The following FGFBP2 variants were observed in gnomAD, a reference collection of about 807,000 sequenced individuals.
FGFBP2 encodes the protein fibroblast growth factor binding protein 2.
A neutral mutation model predicts 7.3 loss-of-function variants in FGFBP2; 7 were observed. The ratio of observed to expected loss-of-function variants is 0.96; its 90% CI spans 0.55 to 1.81. The LOEUF (loss-of-function observed/expected upper bound fraction) is 1.81, where lower values mean the gene tolerates loss of function less well. Among genes scored for constraint, FGFBP2 ranks in the 40% most tolerant of loss-of-function variants. The pLI, the probability that FGFBP2 is intolerant of heterozygous loss-of-function variation, is 0.00. For missense variants in FGFBP2, 291 were observed against 280.1 expected (o/e 1.04, Z -0.28); for synonymous variants, 131 against 110.2 (o/e 1.19, Z -1.18).
rs201297539 is a variant in FGFBP2, at chr4:15,962,801, G to A, written c.329C>T (p.Pro110Leu). Residue 110 changes from proline (P) to leucine (L), a missense_variant, in exon 1 of 2, where the codon CCG becomes CTG. Transcript: ENST00000259989. Reference sequence around the variant, plus strand: ...CCTGCACACGGATGGCCTAAGCACCGGGGCCCCCTGGCACGCATGGTGAAG... The same window carrying A: ...CCTGCACACGGATGGCCTAAGCACCAGGGCCCCCTGGCACGCATGGTGAAG... ...RRLHHACQGA[P>L]VLRPSVCREA... 3.0e-4 allele frequency: 470 copies of A among 1,579,054 alleles called. No homozygotes were observed. The highest frequency in any genetic ancestry group is 2.3e-4 in the Non-Finnish European group (270 of 1,162,734).
rs1288925349 is a variant in FGFBP2 at position 15,962,654 on chromosome 4, G to T, written c.476C>A (p.Thr159Lys). ...GTCCTTTCCCAGCTGTGTTGCTTCT[G>T]TGAGTTTCACTGTGGCCTTGGGCCT... ...SLRPKATVKL[T>K]EATQLGKDSM... Residue 159 changes from threonine (T) to lysine (K), a missense_variant, in exon 1 of 2, where the codon ACA becomes AAA. Thr to Lys is a moderately conservative substitution (Grantham distance 78). Transcript: ENST00000259989. 1.2e-6 allele frequency: 2 copies of T among 1,614,186 alleles called. No individual in the cohort carries two copies. The highest frequency in any genetic ancestry group is 3.3e-5 in the Admixed American group (2 of 60,022).
Position 15,962,742 on chromosome 4 carries a change from T to C in FGFBP2, c.388A>G (p.Thr130Ala). ...TCTGGGCTGCCCTTGAGGCTGGAAGTCACCTGCTGCATATGGGCCTGGGGT... is the reference window on the plus strand; with the variant it reads ...TCTGGGCTGCCCTTGAGGCTGGAAGCCACCTGCTGCATATGGGCCTGGGGT... Reference protein sequence around the residue: ...AGPQAHMQQVTSSLKGSPEPN... With the variant: ...AGPQAHMQQVASSLKGSPEPN... Residue 130 changes from threonine (T) to alanine (A), a missense_variant, in exon 1 of 2, where the codon ACT (threonine) becomes GCT (alanine). Thr to Ala is a moderately conservative substitution (Grantham distance 58). Transcript: ENST00000259989. The C allele has an allele frequency of 6.2e-7, 1 of 1,612,202 alleles. No individual in the cohort carries two copies. The highest frequency in any genetic ancestry group is 1.1e-5 in the South Asian group (1 of 91,012).
chr4:15,960,771 G>T (rs973298368), intron 1 of FGFBP2, among the ~76,000 whole-genome samples, 160 bp from the exon 2 acceptor site: 2 of 152,100 alleles, frequency 1.3e-5, no homozygotes, highest in African/African-American at 4.8e-5. Flanking sequence ...TTAAAGATAG[G>T]GGCCATTAAA....
At chr4:15,962,014 T>C (rs914924327) in intron 1 of FGFBP2, among the ~76,000 whole-genome samples, 5 of 152,122 alleles carry the variant, frequency 3.3e-5, no homozygotes, top group African/African-American at 1.2e-4. Context: ...GCTTGGTTCA[T>C]TAGGAAACGT....
chr4:15,962,516 T>A lies in FGFBP2; in HGVS notation c.614A>T (p.His205Leu), dbSNP rs1236207169. ...NEEAKKKAWE[H>L]CWKPFQALCA... is the part of the protein sequence containing the mutation. ...CAGGGCCTGGAAGGGTTTCCAACAATGTTCCCAGGCCTTCTTCTTTGCTTC... is the reference window on the plus strand; with the variant it reads ...CAGGGCCTGGAAGGGTTTCCAACAAAGTTCCCAGGCCTTCTTCTTTGCTTC... The change falls in exon 1 of 2, where the codon CAT (histidine) becomes CTT (leucine). Residue 205 changes from histidine to leucine, a missense_variant. Coordinates refer to ENST00000259989, the MANE Select transcript of FGFBP2 (RefSeq NM_031950.4). 2 of 1,605,634 alleles carry A rather than the reference T, an allele frequency of 1.2e-6. No individual in the cohort carries two copies. Among genetic ancestry groups the A allele is most frequent in the South Asian group, 2.2e-5 (2 of 90,622 alleles).
In FGFBP2 at chr4:15,960,340, A is replaced by T. The variant is rs1713056143; in HGVS notation, c.*292T>A. On this transcript the variant is annotated 3_prime_UTR_variant, in exon 2 of 2. Transcript: ENST00000259989. ...CGTTACATATTTAAACTTTCATAGA[A>T]GGCTCAGATCAACAAAGCAAAACTT... 6.6e-6 allele frequency: 1 copy of T among 152,242 alleles called. No homozygotes were observed. The highest frequency in any genetic ancestry group is 1.5e-5 in the Non-Finnish European group (1 of 68,042). The allele number at this position is 152,242 out of a possible 1,614,324, so 9.4% of individuals were successfully genotyped here. A position where few individuals can be genotyped will look rare whatever the true frequency, so the allele number is the denominator to read the frequency against.
Position 15,963,004 on chromosome 4 carries a change from G to A in FGFBP2, c.126C>T (p.Ser42=). 6.2e-7 allele frequency: 1 copy of A among 1,614,102 alleles called. No homozygotes were observed. The highest frequency in any genetic ancestry group is 8.5e-7 in the Non-Finnish European group (1 of 1,180,030). The change falls in exon 1 of 2, where the codon TCC becomes TCT. Residue 42 remains serine, a synonymous_variant. Coordinates refer to ENST00000259989, the MANE Select transcript of FGFBP2 (RefSeq NM_031950.4). ...CCAAGCTGCTGGGACGCATAGTGCA[G>A]GAATCTCTCCCTCCAGTCTGGAAAT... The part of the protein sequence containing the change: ...EFHFQTGGRD[S]CTMRPSSLGQ...
In FGFBP2 at chr4:15,962,958, A is replaced by G. The variant is rs1164031939; in HGVS notation, c.172T>C (p.Trp58Arg). ...SSLGQGAGEV[W>R]LRVDCRNTDQ... ...GTGTTGCGGCAGTCGACACGAAGCC[A>G]GACTTCTCCAGCACCTTGCCCCAAG... Residue 58 changes from tryptophan (W) to arginine (R), a missense_variant, in exon 1 of 2, where the codon TGG becomes CGG. Physicochemically the swap from Trp to Arg is moderately radical, Grantham distance 101. Transcript: ENST00000259989. 1 of 1,611,648 alleles carries G rather than the reference A, an allele frequency of 6.2e-7. No homozygotes were observed. The highest frequency in any genetic ancestry group is 1.3e-5 in the African/African-American group (1 of 74,920).
rs531327066 is a variant in FGFBP2 at position 15,962,994 on chromosome 4, G to A, written c.136C>T (p.Arg46Cys). ...QTGGRDSCTM[R>C]PSSLGQGAGE... ...GCACCTTGCCCCAAGCTGCTGGGACGCATAGTGCAGGAATCTCTCCCTCCA... is the reference window on the plus strand; with the variant it reads ...GCACCTTGCCCCAAGCTGCTGGGACACATAGTGCAGGAATCTCTCCCTCCA... The change falls in exon 1 of 2, where the codon CGT becomes TGT. Residue 46 changes from arginine (R) to cysteine (C), a missense_variant. By Grantham distance (180) the Arg-to-Cys change is radical. Coordinates refer to ENST00000259989, the MANE Select transcript of FGFBP2 (RefSeq NM_031950.4). The A allele has an allele frequency of 2.2e-5, 35 of 1,613,916 alleles. No homozygotes were observed. The highest frequency in any genetic ancestry group is 2.7e-5 in the Non-Finnish European group (32 of 1,180,000).
At chr4:15,961,980 C>T (rs1026906622) in intron 1 of FGFBP2, among the ~76,000 whole-genome samples, 3 of 152,154 alleles carry the variant, frequency 2.0e-5, no homozygotes, top group South Asian at 4.1e-4. Context: ...CATAGCACCT[C>T]GGCCACTAAC....
In FGFBP2 at chr4:15,962,951, C is replaced by G. The variant is rs62617788; in HGVS notation, c.179G>C (p.Arg60Pro). The change falls in exon 1 of 2, where the codon CGT becomes CCT. Residue 60 changes from arginine (R) to proline (P), a missense_variant. Arg to Pro is a moderately radical substitution (Grantham distance 103, BLOSUM62 -2). Transcript: ENST00000259989. ...LGQGAGEVWL[R>P]VDCRNTDQTY... ...CTGGTCTGTGTTGCGGCAGTCGACA[C>G]GAAGCCAGACTTCTCCAGCACCTTG... 68 of 1,609,984 alleles carry G rather than the reference C, an allele frequency of 4.2e-5. 1 individual carries two copies. Among genetic ancestry groups the G allele is most frequent in the Middle Eastern group, 3.3e-4 (2 of 6,072 alleles).
In FGFBP2 at chr4:15,963,106, C is replaced by G. The variant is rs750235511; in HGVS notation, c.24G>C (p.Leu8=). 3.7e-6 allele frequency: 6 copies of G among 1,603,416 alleles called. No homozygotes were observed. In the East Asian group the frequency reaches 1.1e-4, roughly 30 times the overall value. Residue 8 remains leucine, a synonymous_variant, in exon 1 of 2, where the codon CTG becomes CTC. Transcript: ENST00000259989. The part of the protein sequence containing the change: MKFVPCL[L]LVTLSCLGTL... ...TCCCCAGGCAGGACAAGGTCACCAGCAGGAGGCAGGGGACGAACTTCATGG... is the reference window on the plus strand; with the variant it reads ...TCCCCAGGCAGGACAAGGTCACCAGGAGGAGGCAGGGGACGAACTTCATGG...
At chr4:15,961,992 G>A (rs990953985) in intron 1 of FGFBP2, among the ~76,000 whole-genome samples, 1 of 152,174 alleles carries the variant, frequency 6.6e-6, no homozygotes, top group African/African-American at 2.4e-5. Flanking sequence ...GCCACTAACA[G>A]CTGCAGCAAA....
chr4:15,961,788 TATTA>T (rs1412919186), intron 1 of FGFBP2, among the ~76,000 whole-genome samples: 2 of 152,216 alleles, frequency 1.3e-5, no homozygotes. Context: ...AATCTGTTAT[TATTA>T]ATTAGATTTT....
At chr4:15,962,349 C>G in intron 1 of FGFBP2, 89 bp downstream of exon 1, 1 of 1,164,296 alleles carries the variant, frequency 8.6e-7, no homozygotes, top group Non-Finnish European at 1.2e-6. Context: ...GTCGCAGCAG[C>G]TGTGAAAGTG....
chr4:15,962,946 C>A lies in FGFBP2; in HGVS notation c.184G>T (p.Asp62Tyr), dbSNP rs372548497. ...QGAGEVWLRV[D>Y]CRNTDQTYWC... is the part of the protein sequence containing the mutation. ...TAGGTCTGGTCTGTGTTGCGGCAGT[C>A]GACACGAAGCCAGACTTCTCCAGCA... is the stretch of plus-strand genomic sequence containing the variant. The change falls in exon 1 of 2, where the codon GAC (aspartate) becomes TAC (tyrosine). Residue 62 changes from aspartate (D) to tyrosine (Y), a missense_variant. Asp to Tyr is a radical substitution (Grantham distance 160, BLOSUM62 -3). Coordinates refer to ENST00000259989, the MANE Select transcript of FGFBP2 (RefSeq NM_031950.4). 4.4e-6 allele frequency: 7 copies of A among 1,607,570 alleles called. No individual in the cohort carries two copies. Among genetic ancestry groups the A allele is most frequent in the South Asian group, 1.1e-5 (1 of 90,826 alleles).
rs750235511 is a variant in FGFBP2, at chr4:15,963,106, C to T, written c.24G>A (p.Leu8=). ...TCCCCAGGCAGGACAAGGTCACCAG[C>T]AGGAGGCAGGGGACGAACTTCATGG... MKFVPCL[L]LVTLSCLGTL... The change falls in exon 1 of 2, where the codon CTG becomes CTA. Residue 8 remains leucine, a synonymous_variant. Coordinates refer to ENST00000259989, the MANE Select transcript of FGFBP2 (RefSeq NM_031950.4). 3.9e-5 allele frequency: 63 copies of T among 1,603,416 alleles called. No individual in the cohort carries two copies. The highest frequency in any genetic ancestry group is 5.2e-5 in the Non-Finnish European group (61 of 1,173,518).
At chr4:15,962,119 G>C (rs1443229318) in intron 1 of FGFBP2, among the ~76,000 whole-genome samples, 1 of 152,198 alleles carries the variant, frequency 6.6e-6, no homozygotes, top group Non-Finnish European at 1.5e-5. Flanking sequence ...ATCACTTGGG[G>C]GAGAGTTTTA....
chr4:15,961,748 T>G (rs1296987291), intron 1 of FGFBP2, among the ~76,000 whole-genome samples: 1 of 152,218 alleles, frequency 6.6e-6, no homozygotes, highest in Non-Finnish European at 1.5e-5. Flanking sequence ...AAAAGTTTGG[T>G]CTTTTAAAAG....
Sources: allele counts gnomAD v4.1 joint callset (sites outside exome capture counted in the v4.1 genomes callset), GRCh38; gene constraint gnomAD v4.1.1; transcripts MANE v1.5; gene names NCBI Gene and HGNC (gene_info 2026-07-23, HGNC 2026-07-21).